SLC35F3: variants seen among roughly 807,000 people sequenced by gnomAD.
SLC35F3 encodes putative thiamine transporter SLC35F3.
A neutral mutation model predicts 49.9 loss-of-function variants in SLC35F3; 25 were observed. The observed-to-expected ratio is 0.50, with a 90% CI of 0.37 to 0.70. SLC35F3 has a LOEUF of 0.70. Ranked by LOEUF, SLC35F3 falls within the 30% of genes least tolerant of loss-of-function variation. SLC35F3 has a pLI of 0.00. For missense variants in SLC35F3, 525 were observed against 639.8 expected, an observed-to-expected ratio of 0.82 and a Z score of 1.94; for synonymous variants, 275 against 265.4, an observed-to-expected ratio of 1.04 and a Z score of -0.35.
intron 2 of SLC35F3, among the ~76,000 whole-genome samples, chr1:233,918,623 C>T (rs1488483710): frequency 2.0e-5 from 3 of 151,990 alleles, no homozygotes; most frequent in South Asian, 2.1e-4. Flanking sequence ...AAAAATTAGC[C>T]GGGTGTAGTG....
At chr1:234,273,086 A>T (rs1393011107) in intron 3 of SLC35F3, among the ~76,000 whole-genome samples, 2 of 152,158 alleles carry the variant, frequency 1.3e-5, no homozygotes, top group Non-Finnish European at 2.9e-5. Context: ...TGTGTGCATT[A>T]TGTCATCATC....
At chr1:234,172,060 C>T (rs958354413) in intron 2 of SLC35F3, among the ~76,000 whole-genome samples, 1 of 152,042 alleles carries the variant, frequency 6.6e-6, no homozygotes, top group African/African-American at 2.4e-5. Flanking sequence ...AGATTCACAT[C>T]TGACCATTGC....
At chr1:234,139,980 A>AAAAT (rs1319738167) in intron 2 of SLC35F3, among the ~76,000 whole-genome samples, 1 of 133,896 alleles carries the variant, frequency 7.5e-6, no homozygotes, top group Admixed American at 7.4e-5. Context: ...AAAATAAAAT[A>AAAAT]AAATAAAATA....
chr1:234,201,923 A>AAG (rs1666906096), intron 2 of SLC35F3, among the ~76,000 whole-genome samples: 1 of 152,114 alleles, frequency 6.6e-6, no homozygotes, highest in Non-Finnish European at 1.5e-5. Flanking sequence ...AAAAAAAAAA[A>AAG]AAAAAAAAGA....
intron 2 of SLC35F3, among the ~76,000 whole-genome samples, chr1:233,949,689 G>A (rs527807233): frequency 1.4e-4 from 21 of 152,266 alleles, no homozygotes; most frequent in Admixed American, 3.3e-4. Flanking sequence ...TGTTAGGATC[G>A]CTGGGCAGGT....
intron 2 of SLC35F3, among the ~76,000 whole-genome samples, chr1:234,184,380 A>C (rs781313249): frequency 2.6e-5 from 4 of 152,326 alleles, no homozygotes; most frequent in Non-Finnish European, 5.9e-5. Flanking sequence ...AAAGTTGACA[A>C]AACAGTGGCT....
intron 2 of SLC35F3, among the ~76,000 whole-genome samples, chr1:234,019,156 C>T (rs185782393): frequency 2.0e-5 from 3 of 152,288 alleles, no homozygotes; most frequent in Non-Finnish European, 4.4e-5. Context: ...TCTGACAGCT[C>T]CTGCTGCCCT....
At chr1:234,261,170 G>T (rs949991280) in intron 3 of SLC35F3, among the ~76,000 whole-genome samples, 1 of 151,948 alleles carries the variant, frequency 6.6e-6, no homozygotes, top group Admixed American at 6.6e-5. Context: ...CCCAAGAAAG[G>T]GTTCTTGGAT....
intron 2 of SLC35F3, among the ~76,000 whole-genome samples, chr1:233,924,303 T>C (rs1448687118): frequency 6.6e-6 from 1 of 152,236 alleles, no homozygotes; most frequent in Non-Finnish European, 1.5e-5. Context: ...ATGCTATTAA[T>C]TATTGCCTCA....
chr1:234,052,173 T>G (rs982067561), intron 2 of SLC35F3, among the ~76,000 whole-genome samples: 2 of 152,202 alleles, frequency 1.3e-5, no homozygotes, highest in Non-Finnish European at 2.9e-5. Context: ...TTAGGGAGGA[T>G]TCCCTCTTTT....
chr1:234,008,673 C>G (rs911967085), intron 2 of SLC35F3, among the ~76,000 whole-genome samples: 9 of 152,210 alleles, frequency 5.9e-5, no homozygotes, highest in Non-Finnish European at 1.2e-4. Flanking sequence ...GGAAGAGTTT[C>G]CAAGTACAGC....
At chr1:234,152,134 A>AT (rs1244202018) in intron 2 of SLC35F3, among the ~76,000 whole-genome samples, 3 of 151,718 alleles carry the variant, frequency 2.0e-5, no homozygotes, top group Admixed American at 6.6e-5. Context: ...AGGAAAAAAA[A>AT]GTGTATATGA....
At chr1:234,058,366 A>G (rs1299870657) in intron 2 of SLC35F3, among the ~76,000 whole-genome samples, 2 of 113,748 alleles carry the variant, frequency 1.8e-5, no homozygotes, top group Non-Finnish European at 3.2e-5. Flanking sequence ...TTTCAGTTAA[A>G]CAGGGTCTCA....
At chr1:234,175,537 C>T (rs1328190440) in intron 2 of SLC35F3, among the ~76,000 whole-genome samples, 1 of 151,954 alleles carries the variant, frequency 6.6e-6, no homozygotes, top group Non-Finnish European at 1.5e-5. Context: ...ACGGCTCATG[C>T]CTTTAGTCCC....
chr1:233,906,333 G>A (rs1339074402), intron 2 of SLC35F3, among the ~76,000 whole-genome samples: 5 of 152,166 alleles, frequency 3.3e-5, no homozygotes, highest in African/African-American at 1.2e-4. Flanking sequence ...GTTGGTCCCT[G>A]CAAGTTGAAT....
intron 2 of SLC35F3, among the ~76,000 whole-genome samples, chr1:234,097,911 G>A (rs1173063173): frequency 6.6e-6 from 1 of 152,248 alleles, no homozygotes; most frequent in African/African-American, 2.4e-5. Flanking sequence ...AAGGTGATGT[G>A]ATGGTGGTGG....
At chr1:233,975,052 T>C (rs988651284) in intron 2 of SLC35F3, among the ~76,000 whole-genome samples, 1 of 152,212 alleles carries the variant, frequency 6.6e-6, no homozygotes, top group Non-Finnish European at 1.5e-5. Flanking sequence ...TCTGAACAAG[T>C]GAAGACCATC....
intron 2 of SLC35F3, among the ~76,000 whole-genome samples, chr1:234,093,689 G>A (rs986849554): frequency 5.3e-5 from 8 of 152,366 alleles, no homozygotes; most frequent in Non-Finnish European, 1.2e-4. Context: ...AAGTCTGTTT[G>A]TGCAGCTCCA....
chr1:234,066,840 A>T (rs1242303887), intron 2 of SLC35F3, among the ~76,000 whole-genome samples: 114 of 58,016 alleles, frequency 2.0e-3, no homozygotes, highest in Admixed American at 5.0e-3. Flanking sequence ...CCACACACAC[A>T]CACACACACA....
Sources: gnomAD v4.1 joint callset for allele counts (sites outside exome capture counted in the v4.1 genomes callset) on GRCh38, gnomAD v4.1.1 for gene constraint, MANE v1.5 for transcripts, NCBI Gene and HGNC (gene_info 2026-07-23, HGNC 2026-07-21) for gene names.